The following AFG1L variants were observed in gnomAD, a reference collection of about 807,000 sequenced individuals.
The protein encoded by AFG1L is AFG1 like ATPase.
Under a neutral mutation model 62.2 loss-of-function variants are expected in AFG1L, and 53 were observed. The ratio of observed to expected loss-of-function variants is 0.85; its 90% CI spans 0.68 to 1.07. The LOEUF (loss-of-function observed/expected upper bound fraction) is 1.07. Among genes scored for constraint, AFG1L ranks in the 50% least tolerant of loss-of-function variants. The probability of loss-of-function intolerance (pLI) is 0.00; values close to 1 mark genes in which losing one functional copy is unlikely to be tolerated. For synonymous variants in AFG1L, 228 were observed against 210.3 expected, an observed-to-expected ratio of 1.08 and a Z score of -0.73; for missense variants, 555 against 590.5, an observed-to-expected ratio of 0.94 and a Z score of 0.62.
chr6:108,319,232 T>G, intron 1 of AFG1L, among the ~76,000 whole-genome samples: 1 of 152,322 alleles, frequency 6.6e-6, no homozygotes, highest in Middle Eastern at 3.4e-3. Context: ...TTAAACACTT[T>G]AAAATTAATT....
At chr6:108,373,110 A>G (rs1190290439) in intron 6 of AFG1L, among the ~76,000 whole-genome samples, 1 of 152,068 alleles carries the variant, frequency 6.6e-6, no homozygotes, top group Non-Finnish European at 1.5e-5. Context: ...ATGATGCTGA[A>G]GTTTGGGGTA....
chr6:108,416,264 TC>T (rs1419309539), intron 7 of AFG1L, among the ~76,000 whole-genome samples: 3 of 152,122 alleles, frequency 2.0e-5, no homozygotes, highest in African/African-American at 7.2e-5. Context: ...CATTAAAAAG[TC>T]AGGAAACAAC....
At chr6:108,324,074 T>G in intron 2 of AFG1L, 26 bp downstream of exon 2, 2 of 1,515,914 alleles carry the variant, frequency 1.3e-6, no homozygotes, top group South Asian at 2.3e-5. Context: ...TATGAAAGAT[T>G]AAACAGTTAA....
chr6:108,476,846 A>C lies in AFG1L; in HGVS notation c.891-19A>C. ...TCAAGTGTTATTAATTTCATATTCT[A>C]TTATTCTTTTCACTGTAGCACAAGT... On this transcript the variant is annotated intron_variant, in intron 8 of 12. Coordinates refer to ENST00000368977, the MANE Select transcript of AFG1L (RefSeq NM_145315.5). The C allele has an allele frequency of 6.3e-7, 1 of 1,592,210 alleles. No homozygotes were observed.
intron 8 of AFG1L, among the ~76,000 whole-genome samples, chr6:108,471,025 C>G (rs1772867550): frequency 2.0e-5 from 3 of 152,072 alleles, no homozygotes; most frequent in Non-Finnish European, 4.4e-5. Context: ...TTTAAGATAT[C>G]CTTTGTAATA....
At chr6:108,508,077 T>C (rs1774493129) in intron 10 of AFG1L, among the ~76,000 whole-genome samples, 1 of 152,244 alleles carries the variant, frequency 6.6e-6, no homozygotes, top group Non-Finnish European at 1.5e-5. Flanking sequence ...TTACTTTGTT[T>C]AATTCTCACG....
chr6:108,316,460 A>G (rs115963464), intron 1 of AFG1L, among the ~76,000 whole-genome samples: 3,814 of 151,182 alleles, frequency 0.025, 162 homozygotes, highest in African/African-American at 0.088. Context: ...ATACTCACAC[A>G]TAATTTTCTT....
chr6:108,316,336 C>G (rs1230168988), intron 1 of AFG1L, among the ~76,000 whole-genome samples: 11 of 127,186 alleles, frequency 8.6e-5, no homozygotes, highest in Admixed American at 5.6e-4. Context: ...AGCCGAGATC[C>G]CGCCACTGCA....
chr6:108,439,369 A>T (rs1771444569), intron 7 of AFG1L, among the ~76,000 whole-genome samples: 1 of 152,208 alleles, frequency 6.6e-6, no homozygotes, highest in Admixed American at 6.5e-5. Flanking sequence ...TTTGGAGGGG[A>T]CTTGTTAAAC....
intron 11 of AFG1L, among the ~76,000 whole-genome samples, chr6:108,511,244 C>T (rs1047705769): frequency 2.0e-5 from 3 of 151,846 alleles, no homozygotes; most frequent in Admixed American, 6.6e-5. Flanking sequence ...ACTAGAGGAC[C>T]CTTCTGAATA....
intron 6 of AFG1L, among the ~76,000 whole-genome samples, chr6:108,392,912 G>A (rs1472520223): frequency 1.3e-5 from 2 of 152,030 alleles, no homozygotes; most frequent in African/African-American, 4.8e-5. Context: ...GGATTTTTAA[G>A]GAAAAGATCT....
chr6:108,390,548 G>A (rs1781006255), intron 6 of AFG1L, among the ~76,000 whole-genome samples: 1 of 151,812 alleles, frequency 6.6e-6, no homozygotes, highest in Non-Finnish European at 1.5e-5. Flanking sequence ...GCGTTTTGGT[G>A]TGGATGTCCT....
intron 10 of AFG1L, among the ~76,000 whole-genome samples, chr6:108,491,582 G>T (rs545877811): frequency 1.3e-5 from 2 of 152,268 alleles, no homozygotes; most frequent in East Asian, 3.9e-4. Context: ...AATGTTTAGA[G>T]ATTGAATAGA....
chr6:108,442,813 C>T (rs901911663), intron 7 of AFG1L, among the ~76,000 whole-genome samples: 1 of 152,090 alleles, frequency 6.6e-6, no homozygotes, highest in Non-Finnish European at 1.5e-5. Flanking sequence ...GTTCTATATC[C>T]AGAAACCCCC....
At chr6:108,520,565 C>T (rs987708326) in intron 12 of AFG1L, 1 of 152,186 alleles carries the variant, frequency 6.6e-6, no homozygotes, top group Non-Finnish European at 1.5e-5. Flanking sequence ...TGAGGGGAGC[C>T]CAATTCTTCC....
At chr6:108,345,404 G>T (rs1370092745) in intron 2 of AFG1L, among the ~76,000 whole-genome samples, 1 of 151,828 alleles carries the variant, frequency 6.6e-6, no homozygotes, top group Non-Finnish European at 1.5e-5. Flanking sequence ...CTGTTGTCCA[G>T]GCTGGAGTGC....
intron 7 of AFG1L, among the ~76,000 whole-genome samples, chr6:108,433,571 A>T (rs1771176604): frequency 6.8e-6 from 1 of 147,386 alleles, no homozygotes; most frequent in African/African-American, 2.5e-5. Flanking sequence ...ACATGTGTAA[A>T]CCACCACGCC....
intron 7 of AFG1L, among the ~76,000 whole-genome samples, chr6:108,416,974 A>G (rs1770326245): frequency 6.6e-6 from 1 of 151,986 alleles, no homozygotes; most frequent in South Asian, 2.1e-4. Context: ...GTGGTGGCTC[A>G]GACCTGTAAT....
At chr6:108,449,992 A>G (rs1476762056) in intron 8 of AFG1L, among the ~76,000 whole-genome samples, 1 of 152,150 alleles carries the variant, frequency 6.6e-6, no homozygotes, top group East Asian at 1.9e-4. Flanking sequence ...TTCTTAATCC[A>G]GTCTATCATT....
Sources: gnomAD v4.1 joint callset for allele counts (sites outside exome capture counted in the v4.1 genomes callset) on GRCh38, gnomAD v4.1.1 for gene constraint, MANE v1.5 for transcripts, NCBI Gene and HGNC (gene_info 2026-07-23, HGNC 2026-07-21) for gene names.